COMT: variants seen among roughly 807,000 people sequenced by gnomAD.
The protein encoded by COMT is catechol-O-methyltransferase, also known as catechol O-methyltransferase.
A neutral mutation model predicts 18.9 loss-of-function variants in COMT; 13 were observed. The observed-to-expected ratio is 0.69, with a 90% CI of 0.45 to 1.09. The LOEUF (loss-of-function observed/expected upper bound fraction) is 1.09, where lower values mean the gene tolerates loss of function less well. Among genes scored for constraint, COMT ranks in the 50% least tolerant of loss-of-function variants. COMT has a pLI of 0.00. For synonymous variants in COMT, 150 were observed against 160.9 expected, an observed-to-expected ratio of 0.93 and a Z score of 0.51; for missense variants, 329 against 361.8, an observed-to-expected ratio of 0.91 and a Z score of 0.73.
rs1601549491 is a variant in COMT at position 19,968,849 on chromosome 22, A to G, written c.*113A>G. ...GGGCTGTGTCCTAAATGCAAAGCAC[A>G]CCTCGGCCGAGGCCTGCGCCCTGAC... On this transcript the variant is annotated 3_prime_UTR_variant, in exon 6 of 6. Transcript: ENST00000361682. The G allele has an allele frequency of 9.9e-7, 1 of 1,009,040 alleles. No homozygotes were observed. The highest frequency in any genetic ancestry group is 1.5e-6 in the Non-Finnish European group (1 of 668,148). 62.5% of individuals were successfully genotyped at this position (1,009,040 alleles called of 1,614,324 possible). A position where few individuals can be genotyped will look rare whatever the true frequency, so the allele number is the denominator to read the frequency against.
At chr22:19,955,321 C>G (rs1055084915) in intron 1 of COMT, among the ~76,000 whole-genome samples, 1 of 152,268 alleles carries the variant, frequency 6.6e-6, no homozygotes, top group Non-Finnish European at 1.5e-5. Context: ...GGTGTCCTCT[C>G]AGCCTGTCCA....
At chr22:19,955,902 C>T (rs9332356) in intron 1 of COMT, among the ~76,000 whole-genome samples, 1,959 of 152,292 alleles carry the variant, frequency 0.013, 39 homozygotes, top group African/African-American at 0.043. Flanking sequence ...CTGAGGTCTC[C>T]TGAGCTTGCT....
chr22:19,948,440 A>T (rs1205611698), intron 1 of COMT, among the ~76,000 whole-genome samples: 1 of 152,168 alleles, frequency 6.6e-6, no homozygotes, highest in Non-Finnish European at 1.5e-5. Flanking sequence ...GGACTCCTTG[A>T]GCCCAGGAGT....
chr22:19,944,753 T>G (rs1304840265), intron 1 of COMT, among the ~76,000 whole-genome samples: 2 of 133,848 alleles, frequency 1.5e-5, no homozygotes, highest in African/African-American at 5.7e-5. Context: ...ACCCGGGAGG[T>G]GGAGCTTGCA....
At chr22:19,964,078 G>A (rs1295212372) in intron 4 of COMT, 90 bp from the exon 5 acceptor site, 2 of 1,608,554 alleles carry the variant, frequency 1.2e-6, no homozygotes, top group Non-Finnish European at 1.7e-6. Flanking sequence ...CTGTCTGTGT[G>A]GGCGTGGGCA....
intron 5 of COMT, chr22:19,964,644 C>A: frequency 1.7e-6 from 1 of 593,024 alleles, no homozygotes; most frequent in Non-Finnish European, 3.0e-6. Flanking sequence ...GGGGAAGGGC[C>A]GCTCTGGGCC....
At chr22:19,956,120 C>A (rs376613517) in intron 1 of COMT, among the ~76,000 whole-genome samples, 1 of 131,304 alleles carries the variant, frequency 7.6e-6, no homozygotes. Flanking sequence ...ATCTTTCTTT[C>A]TTTTTTTTCT....
At chr22:19,962,475 G>C (rs998414059) in intron 2 of COMT, 52 bp from the exon 3 acceptor site, 21 of 1,551,426 alleles carry the variant, frequency 1.4e-5, no homozygotes, top group Non-Finnish European at 7.8e-6. Flanking sequence ...GGGCGTGTGG[G>C]TGCTGCAGGA....
At chr22:19,949,864 C>A (rs2146133808) in intron 1 of COMT, among the ~76,000 whole-genome samples, 1 of 152,318 alleles carries the variant, frequency 6.6e-6, no homozygotes, top group South Asian at 2.1e-4. Flanking sequence ...ATCTTATAAT[C>A]TCTAGAGGTA....
chr22:19,942,016 A>T, intron 1 of COMT, 119 bp downstream of exon 1: 1 of 422,670 alleles, frequency 2.4e-6, no homozygotes, highest in Non-Finnish European at 4.1e-6. Flanking sequence ...AAGTGATCTG[A>T]CGTTGGGTGG....
intron 1 of COMT, among the ~76,000 whole-genome samples, chr22:19,945,850 A>G (rs1383170090): frequency 6.6e-6 from 1 of 152,110 alleles, no homozygotes; most frequent in East Asian, 1.9e-4. Context: ...TGTTTTTAGT[A>G]GAGATGGGGT....
chr22:19,944,391 A>G (rs1036910937), intron 1 of COMT, among the ~76,000 whole-genome samples: 1 of 152,150 alleles, frequency 6.6e-6, no homozygotes, highest in African/African-American at 2.4e-5. Flanking sequence ...TACTAAAAAT[A>G]CAAAACATTA....
At chr22:19,955,356 T>C (rs1942035141) in intron 1 of COMT, among the ~76,000 whole-genome samples, 1 of 152,212 alleles carries the variant, frequency 6.6e-6, no homozygotes, top group African/African-American at 2.4e-5. Context: ...GCGTGTGGCC[T>C]ACCTGGTGCT....
chr22:19,967,525 C>T (rs1169930344), intron 5 of COMT: 15 of 388,474 alleles, frequency 3.9e-5, no homozygotes, highest in Middle Eastern at 3.7e-4. Context: ...CACATGAAAG[C>T]CCCCTGCTTT....
In COMT at chr22:19,963,547, C is replaced by T. The variant is rs368878365; in HGVS notation, c.290-19C>T. 6.2e-6 allele frequency: 10 copies of T among 1,609,868 alleles called. No individual in the cohort carries two copies. In the South Asian group the frequency reaches 7.7e-5, roughly 12 times the overall value. On this transcript the variant is annotated intron_variant, in intron 3 of 5. Coordinates refer to ENST00000361682, the MANE Select transcript of COMT (RefSeq NM_000754.4). ...TCTCCACCTGTGCTCACCTCTCCTC[C>T]GTCCCCAACCCTGCACAGGCAAGAT...
Position 19,964,176 on chromosome 22 carries a change from T to C in COMT, c.492T>C (p.Leu164=). The change falls in exon 5 of 6, where the codon CTT becomes CTC. Residue 164 remains leucine, a synonymous_variant. Coordinates refer to ENST00000361682, the MANE Select transcript of COMT (RefSeq NM_000754.4). ...GACAGGCGCTGTTCCAGGTCACCCT[T>C]GTGGTTGGAGCGTCCCAGGACATCA... ...DFAGVKDKVT[L]VVGASQDIIP... is the part of the protein sequence containing the mutation. The C allele has an allele frequency of 6.2e-7, 1 of 1,614,064 alleles. No homozygotes were observed. Among genetic ancestry groups the C allele is most frequent in the Non-Finnish European group, 8.5e-7 (1 of 1,180,018 alleles).
chr22:19,966,763 G>A (rs1055133860), intron 5 of COMT, among the ~76,000 whole-genome samples: 20 of 149,668 alleles, frequency 1.3e-4, no homozygotes, highest in African/African-American at 4.5e-4. Flanking sequence ...GTTGTTTCTC[G>A]AGACAGTCTC....
intron 1 of COMT, among the ~76,000 whole-genome samples, chr22:19,952,985 TAAATAAATAAATAAATA>T (rs139652330): frequency 0.39 from 56,394 of 145,686 alleles, 11,166 homozygotes; most frequent in Non-Finnish European, 0.44. Flanking sequence ...AATAAATAAA[TAAATAAATAAATAAATA>T]AATAAAATGA....
chr22:19,967,086 T>A (rs1942440651), intron 5 of COMT: 1 of 1,237,000 alleles, frequency 8.1e-7, no homozygotes, highest in African/African-American at 1.6e-5. Context: ...CGTAAAGGAG[T>A]GGGCCCCTGG....
Sources: gnomAD v4.1 joint callset for allele counts (sites outside exome capture counted in the v4.1 genomes callset) on GRCh38, gnomAD v4.1.1 for gene constraint, MANE v1.5 for transcripts, NCBI Gene and HGNC (gene_info 2026-07-23, HGNC 2026-07-21) for gene names.